ZNF407: variants seen among roughly 807,000 people sequenced by gnomAD.
ZNF407 encodes zinc finger protein 407.
A neutral mutation model predicts 131.2 loss-of-function variants in ZNF407; 17 were observed. The ratio of observed to expected loss-of-function variants is 0.13; its 90% confidence interval spans 0.09 to 0.19. The LOEUF (loss-of-function observed/expected upper bound fraction) is 0.19, where lower values mean the gene tolerates loss of function less well. Among genes scored for constraint, ZNF407 ranks in the 10% least tolerant of loss-of-function variants. The probability of loss-of-function intolerance (pLI) is 1.00; values close to 1 mark genes in which losing one functional copy is unlikely to be tolerated. For missense variants in ZNF407, 2,681 were observed against 2,830.6 expected, an observed-to-expected ratio of 0.95 and a Z score of 1.20; for synonymous variants, 1,156 against 1,062.0, an observed-to-expected ratio of 1.09 and a Z score of -1.72.
chr18:74,720,185 T>G (rs1010770365), intron 3 of ZNF407, among the ~76,000 whole-genome samples: 1 of 152,162 alleles, frequency 6.6e-6, no homozygotes, highest in Non-Finnish European at 1.5e-5. Context: ...TATTTTTTTT[T>G]TTGTCTTTTT....
At chr18:74,795,908 T>C (rs570760160) in intron 4 of ZNF407, among the ~76,000 whole-genome samples, 9 of 152,248 alleles carry the variant, frequency 5.9e-5, no homozygotes, top group Admixed American at 2.0e-4. Context: ...ATAGTGAGAG[T>C]CCTCCACATG....
At chr18:74,963,753 A>G (rs1055576657) in intron 8 of ZNF407, among the ~76,000 whole-genome samples, 38 of 152,242 alleles carry the variant, frequency 2.5e-4, no homozygotes, top group African/African-American at 8.9e-4. Flanking sequence ...GATGGCTTAT[A>G]CTTTAATGGC....
intron 7 of ZNF407, among the ~76,000 whole-genome samples, chr18:74,902,696 CTT>C (rs879443581): frequency 1.2e-4 from 18 of 152,264 alleles, no homozygotes; most frequent in Admixed American, 4.6e-4. Flanking sequence ...CTTTGCACGA[CTT>C]AATAAAATTA....
At chr18:74,885,590 C>A (rs1016866443) in intron 6 of ZNF407, among the ~76,000 whole-genome samples, 13 of 152,112 alleles carry the variant, frequency 8.5e-5, no homozygotes, top group African/African-American at 3.1e-4. Flanking sequence ...TATAAAGTTA[C>A]AATAATGAAA....
intron 3 of ZNF407, among the ~76,000 whole-genome samples, chr18:74,740,457 A>G (rs1002405406): frequency 6.6e-5 from 10 of 152,244 alleles, no homozygotes; most frequent in South Asian, 2.1e-4. Context: ...GGGGATCACC[A>G]TTCAGCACAG....
intron 4 of ZNF407, among the ~76,000 whole-genome samples, chr18:74,835,217 G>A (rs909378326): frequency 3.3e-5 from 5 of 152,142 alleles, no homozygotes; most frequent in Admixed American, 6.5e-5. Context: ...GCATCAAGGC[G>A]GACATCTGAC....
At chr18:74,820,434 C>T (rs978216682) in intron 4 of ZNF407, among the ~76,000 whole-genome samples, 4 of 152,204 alleles carry the variant, frequency 2.6e-5, no homozygotes, top group African/African-American at 9.7e-5. Context: ...TGGAGGGAGT[C>T]AGACCACCTA....
At chr18:74,825,080 C>T (rs1041353613) in intron 4 of ZNF407, among the ~76,000 whole-genome samples, 1 of 152,180 alleles carries the variant, frequency 6.6e-6, no homozygotes, top group African/African-American at 2.4e-5. Context: ...TAAATGTAAT[C>T]CATCACATAA....
chr18:74,883,217 A>G lies in ZNF407; in HGVS notation c.5128+2098A>G, dbSNP rs554596611. Among the ~76,000 whole-genome samples, 6 of 152,318 alleles carry G rather than the reference A, an allele frequency of 3.9e-5. No individual in the cohort carries two copies. The East Asian group carries it at 1.2e-3, about 29-fold the overall frequency. On this transcript the variant is annotated intron_variant, in intron 6 of 8. Transcript: ENST00000299687. ...TCTGCCTCTGTAGCACAAATCAAAC[A>G]TGATTCTTTAACACCAAAGTCAGTT...
chr18:74,936,287 G>A (rs563041560), intron 8 of ZNF407, among the ~76,000 whole-genome samples: 2 of 152,200 alleles, frequency 1.3e-5, no homozygotes, highest in South Asian at 4.2e-4. Context: ...CAAGATATTC[G>A]CCTGTTACAT....
In ZNF407 at chr18:74,600,835, G is replaced by T. The variant is rs77853824; in HGVS notation, c.-54+2898G>T. 7.2e-4 allele frequency among the ~76,000 whole-genome samples: 110 copies of T among 152,326 alleles called. 1 individual carries two copies. The East Asian group carries it at 0.02, about 28-fold the overall frequency. On this transcript the variant is annotated intron_variant, in intron 1 of 8. Coordinates refer to ENST00000299687, the MANE Select transcript of ZNF407 (RefSeq NM_017757.3). ...GAGGTGTGGAAAATAAGGCTGGAGA[G>T]GCCCTCTTGAAGAAATGTAGGCAGC... is the stretch of plus-strand genomic sequence containing the variant.
chr18:74,882,951 C>G (rs907376816), intron 6 of ZNF407, among the ~76,000 whole-genome samples: 1 of 152,156 alleles, frequency 6.6e-6, no homozygotes, highest in African/African-American at 2.4e-5. Flanking sequence ...TGGTATGGCC[C>G]CAGGGAACAA....
chr18:74,905,178 A>T (rs986835365), intron 7 of ZNF407: 2 of 152,234 alleles, frequency 1.3e-5, no homozygotes, highest in African/African-American at 4.8e-5. Context: ...AAATATGTTT[A>T]AAAAATTCAT....
chr18:74,646,991 G>T (rs1484268761), intron 3 of ZNF407, among the ~76,000 whole-genome samples: 2 of 152,198 alleles, frequency 1.3e-5, no homozygotes, highest in Non-Finnish European at 2.9e-5. Flanking sequence ...TAACAAAATA[G>T]AAATAAACTA....
At chr18:74,713,358 C>CTTTTTTTT (rs5826345) in intron 3 of ZNF407, among the ~76,000 whole-genome samples, 1 of 84,478 alleles carries the variant, frequency 1.2e-5, no homozygotes, top group Admixed American at 1.3e-4. Flanking sequence ...ATTTTAGCAT[C>CTTTTTTTT]TTTTTTTTTT....
At chr18:74,847,771 A>G (rs1970721718) in intron 4 of ZNF407, among the ~76,000 whole-genome samples, 1 of 151,724 alleles carries the variant, frequency 6.6e-6, no homozygotes. Context: ...TCCCAATCTG[A>G]TATCTCTTCC....
At chr18:74,900,827 A>T (rs1414726593) in intron 7 of ZNF407, among the ~76,000 whole-genome samples, 3 of 152,208 alleles carry the variant, frequency 2.0e-5, no homozygotes, top group Non-Finnish European at 4.4e-5. Flanking sequence ...GTTACATTTT[A>T]CCAAGCATGA....
intron 2 of ZNF407, among the ~76,000 whole-genome samples, chr18:74,638,837 C>T (rs573930991): frequency 2.6e-5 from 4 of 152,172 alleles, no homozygotes; most frequent in African/African-American, 9.6e-5. Flanking sequence ...AAACACTGTG[C>T]CTGCATTCAT....
chr18:74,729,629 A>G (rs974603444), intron 3 of ZNF407, among the ~76,000 whole-genome samples: 2 of 152,154 alleles, frequency 1.3e-5, no homozygotes, highest in Admixed American at 1.3e-4. Context: ...ACATAGGTAT[A>G]AGTAAGTTCA....
Sources: allele counts gnomAD v4.1 joint callset (sites outside exome capture counted in the v4.1 genomes callset), GRCh38; gene constraint gnomAD v4.1.1; transcripts MANE v1.5; gene names NCBI Gene and HGNC (gene_info 2026-07-23, HGNC 2026-07-21).